The following RMDN3 variants were observed in gnomAD, a reference collection of about 807,000 sequenced individuals.
The protein encoded by RMDN3 is regulator of microtubule dynamics 3.
A neutral mutation model predicts 61.8 loss-of-function variants in RMDN3; 41 were observed. That is an observed-to-expected ratio of 0.66 (90% CI 0.52 to 0.86). The LOEUF (loss-of-function observed/expected upper bound fraction) is 0.86, where lower values mean the gene tolerates loss of function less well. Ranked by LOEUF, RMDN3 falls within the 40% of genes least tolerant of loss-of-function variation. The pLI is 0.00. For synonymous variants in RMDN3, 247 were observed against 232.0 expected, an observed-to-expected ratio of 1.06 and a Z score of -0.59; for missense variants, 557 against 585.3, an observed-to-expected ratio of 0.95 and a Z score of 0.50.
chr15:40,747,814 G>C (rs920085695), intron 4 of RMDN3: 2 of 152,060 alleles, frequency 1.3e-5, no homozygotes, highest in African/African-American at 4.8e-5. Context: ...CTCTCCTCCT[G>C]GCAATTAAGT....
chr15:40,742,171 GTTT>G (rs896797307), intron 6 of RMDN3, among the ~76,000 whole-genome samples: 1 of 134,966 alleles, frequency 7.4e-6, no homozygotes, highest in Non-Finnish European at 1.6e-5. Context: ...AATTTTTTAA[GTTT>G]TTTTTTTTTT....
At chr15:40,746,869 T>C (rs1897589243) in intron 4 of RMDN3, among the ~76,000 whole-genome samples, 1 of 151,308 alleles carries the variant, frequency 6.6e-6, no homozygotes, top group Non-Finnish European at 1.5e-5. Context: ...ATTTCCCCTT[T>C]AGTTATTAGA....
In RMDN3 at chr15:40,754,795, G is replaced by C; in HGVS notation, c.-7-5C>G. 6.9e-7 allele frequency: 1 copy of C among 1,453,806 alleles called. No individual in the cohort carries two copies. Among genetic ancestry groups the C allele is most frequent in the Non-Finnish European group, 9.3e-7 (1 of 1,074,488 alleles). 90.1% of individuals were successfully genotyped at this position (1,453,806 alleles called of 1,614,324 possible). ...CCCAGTCTAGACATGCTGCACCTGC[G>C]GCCAGCAGAAGTCACCGGGAGCAGG... On this transcript the variant is annotated splice_polypyrimidine_tract_variant and splice_region_variant and intron_variant, in intron 1 of 12. Coordinates refer to ENST00000338376, the MANE Select transcript of RMDN3 (RefSeq NM_018145.3).
In RMDN3 at chr15:40,737,210, A is replaced by G. The variant is rs1349349355; in HGVS notation, c.1279-6T>C. 1.9e-6 allele frequency: 3 copies of G among 1,613,988 alleles called. No homozygotes were observed. Among genetic ancestry groups the G allele is most frequent in the Admixed American group, 3.3e-5 (2 of 60,022 alleles). On this transcript the variant is annotated splice_polypyrimidine_tract_variant and splice_region_variant and intron_variant, in intron 11 of 12. Coordinates refer to ENST00000338376, the MANE Select transcript of RMDN3 (RefSeq NM_018145.3). ...TTCCCTAGTTCTCTGTAGCACTGAAAAGAGACAACAGTGAAACCTGATACT... is the reference window on the plus strand; with the variant it reads ...TTCCCTAGTTCTCTGTAGCACTGAAGAGAGACAACAGTGAAACCTGATACT...
chr15:40,736,856 GTTTGGTTTTTT>G (rs1897071141), intron 12 of RMDN3, among the ~76,000 whole-genome samples: 1 of 152,040 alleles, frequency 6.6e-6, no homozygotes, highest in Admixed American at 6.6e-5. Flanking sequence ...AGGCAGTTTT[GTTTGGTTTTTT>G]TTTGAGATGG....
intron 4 of RMDN3, among the ~76,000 whole-genome samples, chr15:40,746,580 T>A (rs1288913716): frequency 2.7e-5 from 4 of 149,490 alleles, no homozygotes; most frequent in African/African-American, 9.9e-5. Context: ...GAAGGAGAGA[T>A]GACACACCAC....
Position 40,749,210 on chromosome 15 carries a change from A to G in RMDN3, c.524+2216T>C, listed in dbSNP as rs114350866. Reference sequence around the variant, plus strand: ...GAGCCACCGCGCCTGGCCTAGTACAACTTCTTTAAATCATCACAAAGAGGA... The same window carrying G: ...GAGCCACCGCGCCTGGCCTAGTACAGCTTCTTTAAATCATCACAAAGAGGA... On this transcript the variant is annotated intron_variant, in intron 4 of 12. Transcript: ENST00000338376. Among the ~76,000 whole-genome samples, 823 of 152,318 alleles carry G rather than the reference A, an allele frequency of 5.4e-3. 6 individuals are homozygous for G. The highest frequency in any genetic ancestry group is 0.019 in the African/African-American group (794 of 41,566).
intron 12 of RMDN3, 127 bp from the exon 13 acceptor site, chr15:40,736,721 C>G: frequency 1.3e-6 from 1 of 775,758 alleles, no homozygotes; most frequent in South Asian, 1.7e-5. Flanking sequence ...TCCTACTTCC[C>G]CAGGATAGCC....
rs547793688 is a variant in RMDN3, at chr15:40,755,182, T to G, written c.-107A>C. The G allele has an allele frequency of 5.9e-6, 1 of 168,296 alleles. No individual in the cohort carries two copies. Among genetic ancestry groups the G allele is most frequent in the Non-Finnish European group, 1.3e-5 (1 of 77,804 alleles). 10.4% of individuals were successfully genotyped at this position (168,296 alleles called of 1,614,324 possible). Reference sequence around the variant, plus strand: ...GAAGGCGCTCTGGCCTGGCAGGAGATCCACTCAGACCCTTACCCGGCCGCC... The same window carrying G: ...GAAGGCGCTCTGGCCTGGCAGGAGAGCCACTCAGACCCTTACCCGGCCGCC... On this transcript the variant is annotated 5_prime_UTR_variant, in exon 1 of 13. Transcript: ENST00000338376.
chr15:40,737,709 C>A lies in RMDN3; in HGVS notation c.1143G>T (p.Trp381Cys). 1 of 1,614,000 alleles carries A rather than the reference C, an allele frequency of 6.2e-7. No individual in the cohort carries two copies. The highest frequency in any genetic ancestry group is 8.5e-7 in the Non-Finnish European group (1 of 1,179,976). Residue 381 changes from tryptophan (W) to cysteine (C), a missense_variant, in exon 10 of 13, where the codon TGG becomes TGT. Physicochemically the swap from Trp to Cys is radical, Grantham distance 215. Coordinates refer to ENST00000338376, the MANE Select transcript of RMDN3 (RefSeq NM_018145.3). ...AGGCTGTAGCAGTTTTTTTTTCTAG[C>A]CAGCTCAGGTGAGAGACCTGCCACA... ...RWCYQVSHLS[W>C]LEKKTATALL...
chr15:40,738,166 C>T, intron 8 of RMDN3, 124 bp from the exon 9 acceptor site: 1 of 969,394 alleles, frequency 1.0e-6, no homozygotes, highest in Non-Finnish European at 1.6e-6. Flanking sequence ...GCAGGTGGAT[C>T]ACCTGAGGTC....
chr15:40,744,952 A>C, intron 5 of RMDN3, 25 bp downstream of exon 5: 13 of 1,565,554 alleles, frequency 8.3e-6, no homozygotes, highest in Non-Finnish European at 1.1e-5. Flanking sequence ...GGGAAGGAGA[A>C]GGAGACAGGC....
rs1486746451 is a variant in RMDN3, at chr15:40,754,744, G to C, written c.40C>G (p.Leu14Val). ...GCGGCGGTACCCAGCAACAGTCCCA[G>C]CCCGGCACGGGCACCACCCAGGGCT... ...LGALGGARAGLGLLLGTAAGL... is the reference protein window; with the variant it reads ...LGALGGARAGVGLLLGTAAGL... Residue 14 changes from leucine (L) to valine (V), a missense_variant, in exon 2 of 13, where the codon CTG becomes GTG. Leu to Val is a conservative substitution (Grantham distance 32). Coordinates refer to ENST00000338376, the MANE Select transcript of RMDN3 (RefSeq NM_018145.3). The C allele has an allele frequency of 6.3e-7, 1 of 1,597,520 alleles. No homozygotes were observed. Among genetic ancestry groups the C allele is most frequent in the South Asian group, 1.1e-5 (1 of 90,874 alleles).
chr15:40,754,397 C>T (rs1183848623), intron 2 of RMDN3, among the ~76,000 whole-genome samples, 200 bp downstream of exon 2: 3 of 152,240 alleles, frequency 2.0e-5, no homozygotes, highest in African/African-American at 7.2e-5. Flanking sequence ...ATCCGCCCGC[C>T]TCGGCCTCCC....
Position 40,752,024 on chromosome 15 carries a change from G to T in RMDN3, c.342C>A (p.Ser114Arg). ...LRREVEELRSSLRGLAGEIVG... is the reference protein window; with the variant it reads ...LRREVEELRSRLRGLAGEIVG... ...CAATCTCCCCCGCAAGCCCTCGCAG[G>T]CTGCTTCTCAGCTCCTCCACCTCCC... The change falls in exon 3 of 13, where the codon AGC becomes AGA. Residue 114 changes from serine to arginine, a missense_variant. Transcript: ENST00000338376. 1 of 1,614,172 alleles carries T rather than the reference G, an allele frequency of 6.2e-7. No homozygotes were observed. The highest frequency in any genetic ancestry group is 8.5e-7 in the Non-Finnish European group (1 of 1,180,018).
At chr15:40,738,647 A>G (rs1438241580) in intron 7 of RMDN3, 71 bp from the exon 8 acceptor site, 3 of 1,474,832 alleles carry the variant, frequency 2.0e-6, no homozygotes, top group South Asian at 1.1e-5. Context: ...TGCCCCAACC[A>G]CAGCCTAGTT....
At position 40,741,620 on chromosome 15, in the gene RMDN3, A is replaced by ATTTTTTT. The variant is rs553262858; in HGVS notation, c.911-1434_911-1428dup. Among the ~76,000 whole-genome samples, 174 of 71,724 alleles carry ATTTTTTT rather than the reference A, an allele frequency of 2.4e-3. 23 individuals are homozygous for ATTTTTTT. The highest frequency in any genetic ancestry group is 5.7e-3 in the African/African-American group (108 of 19,042). 47.1% of individuals were successfully genotyped at this position (71,724 alleles called of 152,430 possible). ...ACTGGAGAAGACACTGCAACATAGG[A>ATTTTTTT]TTTTTTTTTTTTTTTTTTTTTTTTT... On this transcript the variant is annotated intron_variant, in intron 6 of 12. Transcript: ENST00000338376.
chr15:40,743,975 C>T (rs1596046175), intron 6 of RMDN3, 72 bp downstream of exon 6: 2 of 1,320,640 alleles, frequency 1.5e-6, no homozygotes, highest in Non-Finnish European at 2.1e-6. Flanking sequence ...TTCCCCGGGT[C>T]CCCAGGCAGA....
chr15:40,736,978 C>G (rs924386731), intron 12 of RMDN3, 146 bp downstream of exon 12: 2 of 731,556 alleles, frequency 2.7e-6, no homozygotes, highest in African/African-American at 1.8e-5. Context: ...CTCAGCTTCC[C>G]GAGTAGCTGG....
Sources: gnomAD v4.1 joint callset for allele counts (sites outside exome capture counted in the v4.1 genomes callset) on GRCh38, gnomAD v4.1.1 for gene constraint, MANE v1.5 for transcripts, NCBI Gene and HGNC (gene_info 2026-07-23, HGNC 2026-07-21) for gene names.